STK33: variants seen among roughly 807,000 people sequenced by gnomAD.
The protein encoded by STK33 is serine/threonine-protein kinase 33.
In STK33, 52 loss-of-function variants were observed where a neutral mutation model predicts 58.0. That is an observed-to-expected ratio of 0.90 (90% CI 0.72 to 1.13). STK33 has a LOEUF of 1.13. Among genes scored for constraint, STK33 ranks in the 50% most tolerant of loss-of-function variants. The pLI, the probability that STK33 is intolerant of heterozygous loss-of-function variation, is 0.00. For synonymous variants in STK33, 215 were observed against 200.1 expected (o/e 1.07, Z -0.63); for missense variants, 630 against 604.2 (o/e 1.04, Z -0.45).
At chr11:8,402,183 A>G (rs1938146250) in intron 15 of STK33, among the ~76,000 whole-genome samples, 1 of 152,188 alleles carries the variant, frequency 6.6e-6, no homozygotes, top group Non-Finnish European at 1.5e-5. Context: ...TTATTGCGGC[A>G]CTATTCACAA....
At chr11:8,585,453 G>C (rs1163307798) in intron 1 of STK33, among the ~76,000 whole-genome samples, 1 of 151,334 alleles carries the variant, frequency 6.6e-6, no homozygotes, top group Admixed American at 6.6e-5. Flanking sequence ...TCGAACTCCT[G>C]ACTTCAGGTG....
intron 1 of STK33, among the ~76,000 whole-genome samples, chr11:8,591,998 T>TA (rs367966540): frequency 0.045 from 6,715 of 150,162 alleles, 211 homozygotes; most frequent in South Asian, 0.062. Context: ...ATAATAAAAT[T>TA]AAAAAAAAAA....
chr11:8,519,817 C>T (rs149380676), intron 1 of STK33, among the ~76,000 whole-genome samples: 2,426 of 152,234 alleles, frequency 0.016, 66 homozygotes, highest in African/African-American at 0.057. Flanking sequence ...CCTGAATAGA[C>T]CAATAACAGG....
intron 6 of STK33, among the ~76,000 whole-genome samples, chr11:8,471,365 T>C (rs1354011387): frequency 2.0e-5 from 3 of 152,198 alleles, no homozygotes; most frequent in Non-Finnish European, 4.4e-5. Flanking sequence ...AAACAGTTTC[T>C]TATTTCTAAT....
At chr11:8,382,511 T>C in the STK33 span, among the ~76,000 whole-genome samples, 213 of 152,280 alleles carry the variant, frequency 1.4e-3, no homozygotes, top group African/African-American at 5.0e-3. Flanking sequence ...AGATTCCTGA[T>C]AGTAGCATGG....
chr11:8,544,511 TC>T (rs1271857592), intron 1 of STK33, among the ~76,000 whole-genome samples: 6 of 151,642 alleles, frequency 4.0e-5, no homozygotes, highest in African/African-American at 1.5e-4. Context: ...TTTAAATTTT[TC>T]AACTGTTTTA....
intron 1 of STK33, among the ~76,000 whole-genome samples, chr11:8,591,632 G>T (rs2032607902): frequency 6.6e-6 from 1 of 151,968 alleles, no homozygotes; most frequent in Non-Finnish European, 1.5e-5. Context: ...CAATGTCTCT[G>T]CAAAAAAAGA....
At position 8,540,837 on chromosome 11, in the gene STK33, A is replaced by G. The variant is rs1955452041; in HGVS notation, c.-466+53246T>C. ...AGAGATAATACACAACATGAGGACT[A>G]AAGTTAATCAAATTGTATTATATTA... On this transcript the variant is annotated intron_variant, in intron 1 of 15. Transcript: ENST00000687296. Among the ~76,000 whole-genome samples the G allele has an allele frequency of 3.3e-5, 5 of 152,136 alleles. No homozygotes were observed. The South Asian group carries it at 1.0e-3, about 32-fold the overall frequency.
chr11:8,435,696 T>C (rs368617205), intron 13 of STK33, 117 bp from the exon 14 acceptor site: 5 of 513,008 alleles, frequency 9.7e-6, no homozygotes, highest in African/African-American at 3.9e-5. Context: ...AAGTGTACAA[T>C]AAAAATCATC....
chr11:8,445,259 T>A (rs1945287071), intron 11 of STK33, among the ~76,000 whole-genome samples: 1 of 152,230 alleles, frequency 6.6e-6, no homozygotes, highest in African/African-American at 2.4e-5. Context: ...AAGTTGTTTT[T>A]CAGCTTAAGG....
chr11:8,517,087 G>C (rs1355043305), intron 1 of STK33, among the ~76,000 whole-genome samples: 2 of 152,168 alleles, frequency 1.3e-5, no homozygotes, highest in African/African-American at 4.8e-5. Context: ...CTCCCAGTAG[G>C]GGCCAACTGA....
intron 15 of STK33, among the ~76,000 whole-genome samples, chr11:8,396,401 T>C (rs914900651): frequency 5.3e-5 from 8 of 152,232 alleles, no homozygotes; most frequent in African/African-American, 1.9e-4. Flanking sequence ...CCTTACCATT[T>C]CTCTCTTTAC....
chr11:8,491,025 C>T (rs764305040), intron 1 of STK33, among the ~76,000 whole-genome samples: 7 of 152,178 alleles, frequency 4.6e-5, no homozygotes, highest in East Asian at 1.9e-4. Context: ...AAAACCAGAG[C>T]ACCTCTTCTC....
intron 1 of STK33, among the ~76,000 whole-genome samples, chr11:8,588,728 A>T (rs998543756): frequency 6.6e-6 from 1 of 152,222 alleles, no homozygotes; most frequent in African/African-American, 2.4e-5. Flanking sequence ...GTAAAAAGAC[A>T]ATCTACAAAA....
At chr11:8,505,188 T>G (rs1951783968) in intron 1 of STK33, among the ~76,000 whole-genome samples, 1 of 152,264 alleles carries the variant, frequency 6.6e-6, no homozygotes, top group Non-Finnish European at 1.5e-5. Context: ...TTCGAAACTC[T>G]TATTCAGTGC....
At chr11:8,573,946 C>A (rs1958002301) in intron 1 of STK33, among the ~76,000 whole-genome samples, 1 of 152,142 alleles carries the variant, frequency 6.6e-6, no homozygotes, top group Admixed American at 6.5e-5. Context: ...AAGGAGTAGA[C>A]AAGGGAGACT....
intron 1 of STK33, among the ~76,000 whole-genome samples, chr11:8,570,431 T>C (rs568206158): frequency 1.3e-5 from 2 of 152,166 alleles, no homozygotes. Flanking sequence ...CAAAGAAAAA[T>C]AAATACATAT....
chr11:8,488,547 G>T (rs559076939), intron 1 of STK33, among the ~76,000 whole-genome samples: 143 of 152,030 alleles, frequency 9.4e-4, no homozygotes, highest in Non-Finnish European at 1.7e-3. Flanking sequence ...AGAGTTCCTT[G>T]GCAAAGAATG....
At chr11:8,406,669 GA>G (rs1229326052) in intron 15 of STK33, among the ~76,000 whole-genome samples, 3 of 152,030 alleles carry the variant, frequency 2.0e-5, no homozygotes, top group Non-Finnish European at 2.9e-5. Context: ...TGTTCACTGC[GA>G]ATATATAACA....
Sources: gnomAD v4.1 joint callset for allele counts (sites outside exome capture counted in the v4.1 genomes callset) on GRCh38, gnomAD v4.1.1 for gene constraint, MANE v1.5 for transcripts, NCBI Gene and HGNC (gene_info 2026-07-23, HGNC 2026-07-21) for gene names.